The following INPP4B variants were observed in gnomAD, a reference collection of about 807,000 sequenced individuals.
The protein encoded by INPP4B is inositol polyphosphate-4-phosphatase type II B, also known as inositol polyphosphate 4-phosphatase type II.
In INPP4B, 55 loss-of-function variants were observed where a neutral mutation model predicts 122.5. The ratio of observed to expected loss-of-function variants is 0.45; its 90% CI spans 0.36 to 0.56. The LOEUF is 0.56. Among genes scored for constraint, INPP4B ranks in the 20% least tolerant of loss-of-function variants. The pLI, the probability that INPP4B is intolerant of heterozygous loss-of-function variation, is 0.00. For missense variants in INPP4B, 1,000 were observed against 1,097.7 expected, an observed-to-expected ratio of 0.91 and a Z score of 1.26; for synonymous variants, 403 against 388.7, an observed-to-expected ratio of 1.04 and a Z score of -0.43.
intron 2 of INPP4B, among the ~76,000 whole-genome samples, chr4:142,588,778 A>G (rs933550160): frequency 6.6e-6 from 1 of 151,868 alleles, no homozygotes; most frequent in Non-Finnish European, 1.5e-5. Context: ...AAATAGGTCT[A>G]TAGATTAAAC....
intron 2 of INPP4B, among the ~76,000 whole-genome samples, chr4:142,595,665 C>A (rs1413812092): frequency 1.3e-5 from 2 of 151,994 alleles, no homozygotes; most frequent in African/African-American, 2.4e-5. Flanking sequence ...ATACAGTCAC[C>A]CTGGCCAAGG....
At chr4:142,412,983 G>C (rs1804923561) in intron 5 of INPP4B, among the ~76,000 whole-genome samples, 1 of 151,988 alleles carries the variant, frequency 6.6e-6, no homozygotes, top group Non-Finnish European at 1.5e-5. Context: ...TCAGTTCACT[G>C]GTTTTAAAGT....
chr4:142,227,092 T>C (rs977924949), intron 12 of INPP4B, among the ~76,000 whole-genome samples: 1 of 152,064 alleles, frequency 6.6e-6, no homozygotes, highest in African/African-American at 2.4e-5. Flanking sequence ...CAATAGCATG[T>C]AGGTAATGAT....
At chr4:142,569,962 C>T (rs1292370032) in intron 2 of INPP4B, among the ~76,000 whole-genome samples, 1 of 152,006 alleles carries the variant, frequency 6.6e-6, no homozygotes, top group Non-Finnish European at 1.5e-5. Context: ...ATTCCTCCTC[C>T]AATATAATTT....
chr4:142,197,284 C>T (rs1471686059), intron 14 of INPP4B, among the ~76,000 whole-genome samples: 1 of 152,078 alleles, frequency 6.6e-6, no homozygotes, highest in African/African-American at 2.4e-5. Flanking sequence ...GAAGTCTTTA[C>T]ATCTTCATCT....
intron 1 of INPP4B, among the ~76,000 whole-genome samples, chr4:142,837,642 C>A (rs1782961336): frequency 6.6e-6 from 1 of 152,086 alleles, no homozygotes; most frequent in Non-Finnish European, 1.5e-5. Context: ...CAATCACATT[C>A]ACCTTTCCAA....
chr4:142,290,508 C>G (rs973029706), intron 9 of INPP4B, among the ~76,000 whole-genome samples: 1 of 151,886 alleles, frequency 6.6e-6, no homozygotes, highest in African/African-American at 2.4e-5. Flanking sequence ...GCCCTGCTGG[C>G]CTTATTTCTT....
At chr4:142,642,092 T>C (rs1750629063) in intron 2 of INPP4B, among the ~76,000 whole-genome samples, 1 of 152,228 alleles carries the variant, frequency 6.6e-6, no homozygotes, top group Admixed American at 6.5e-5. Context: ...TTCATATCCT[T>C]CGCCCACTTG....
intron 2 of INPP4B, among the ~76,000 whole-genome samples, chr4:142,686,937 T>G (rs1158765877): frequency 6.6e-6 from 1 of 152,072 alleles, no homozygotes; most frequent in Non-Finnish European, 1.5e-5. Flanking sequence ...ACAAGACTTA[T>G]GCTTAGGAGT....
chr4:142,601,894 G>A (rs760180739), intron 2 of INPP4B, among the ~76,000 whole-genome samples: 10 of 145,488 alleles, frequency 6.9e-5, no homozygotes, highest in South Asian at 2.2e-4. Context: ...GCGTGAACCC[G>A]GGAGGCGGAG....
At chr4:142,090,273 T>C (rs1004551219) in intron 23 of INPP4B, among the ~76,000 whole-genome samples, 13 of 139,928 alleles carry the variant, frequency 9.3e-5, no homozygotes, top group African/African-American at 3.3e-4. Context: ...GGTGTGCTTC[T>C]TACAAGAAAA....
At chr4:142,716,833 T>C (rs187610891) in intron 2 of INPP4B, among the ~76,000 whole-genome samples, 175 of 152,354 alleles carry the variant, frequency 1.1e-3, no homozygotes, top group African/African-American at 4.1e-3. Flanking sequence ...CATGCAGTAA[T>C]TTGTGTCAGT....
intron 2 of INPP4B, among the ~76,000 whole-genome samples, chr4:142,544,130 G>GTGTGTGTGTGTGTGTGGGT (rs55638202): frequency 7.5e-6 from 1 of 133,128 alleles, no homozygotes; most frequent in Non-Finnish European, 1.6e-5. Flanking sequence ...GTGTGTGTGT[G>GTGTGTGTGTGTGTGTGGGT]GTGTGTGTGT....
rs373759952 is a variant in INPP4B at position 142,726,141 on chromosome 4, TTTTCTTTGCTTCTC to T, written c.-253-254_-253-241del. On this transcript the variant is annotated intron_variant, in intron 1 of 25. Transcript: ENST00000262992. ...TGACTGCAGCAGATACTCAGCCCTG[TTTTCTTTGCTTCTC>T]TTTCTTCTCTCACATGTGAACAAAA... 4.2e-3 allele frequency among the ~76,000 whole-genome samples: 641 copies of T among 152,300 alleles called. 4 individuals are homozygous for T. The highest frequency in any genetic ancestry group is 0.015 in the African/African-American group (620 of 41,564).
chr4:142,777,059 T>A (rs1313129928), intron 1 of INPP4B, among the ~76,000 whole-genome samples: 1 of 152,158 alleles, frequency 6.6e-6, no homozygotes, highest in Non-Finnish European at 1.5e-5. Flanking sequence ...CATGAATGCA[T>A]GTCCAAAATT....
rs1737175202 is a variant in INPP4B at position 142,026,885 on chromosome 4, C to A, written c.*1897G>T. ...AGAGTATTTACAGAATGATAAATTA[C>A]TTAAGGTTTCTTAGAACTCAGACTA... is the stretch of plus-strand genomic sequence containing the variant. On this transcript the variant is annotated 3_prime_UTR_variant, in exon 26 of 26. Coordinates refer to ENST00000262992, the MANE Select transcript of INPP4B (RefSeq NM_001101669.3). The A allele has an allele frequency of 6.6e-6, 1 of 152,076 alleles. No individual in the cohort carries two copies. Among genetic ancestry groups the A allele is most frequent in the Non-Finnish European group, 1.5e-5 (1 of 68,016 alleles). The allele number at this position is 152,076 out of a possible 1,614,324, so 9.4% of individuals were successfully genotyped here. A position where few individuals can be genotyped will look rare whatever the true frequency, so the allele number is the denominator to read the frequency against.
At chr4:142,221,712 G>C (rs1166057498) in intron 12 of INPP4B, among the ~76,000 whole-genome samples, 1 of 152,106 alleles carries the variant, frequency 6.6e-6, no homozygotes, top group Non-Finnish European at 1.5e-5. Context: ...TGTTGGAAAT[G>C]TTCTATATCT....
chr4:142,839,560 T>A (rs1343436374), intron 1 of INPP4B, among the ~76,000 whole-genome samples: 1 of 152,220 alleles, frequency 6.6e-6, no homozygotes, highest in Non-Finnish European at 1.5e-5. Flanking sequence ...ATATGTAGTG[T>A]TTTTACTATA....
chr4:142,562,183 G>A (rs1449732336), intron 2 of INPP4B, among the ~76,000 whole-genome samples: 1 of 152,116 alleles, frequency 6.6e-6, no homozygotes, highest in African/African-American at 2.4e-5. Context: ...GGATGTAAAG[G>A]AAAAGTTACC....
Sources: gnomAD v4.1 joint callset for allele counts (sites outside exome capture counted in the v4.1 genomes callset) on GRCh38, gnomAD v4.1.1 for gene constraint, MANE v1.5 for transcripts, NCBI Gene and HGNC (gene_info 2026-07-23, HGNC 2026-07-21) for gene names.